ADGRL3: variants seen among roughly 807,000 people sequenced by gnomAD.
ADGRL3 encodes the protein calcium-independent alpha-latrotoxin receptor 3.
Under a neutral mutation model 153.5 loss-of-function variants are expected in ADGRL3, and 62 were observed. The ratio of observed to expected loss-of-function variants is 0.40; its 90% CI spans 0.33 to 0.50. ADGRL3 has a LOEUF of 0.50. Ranked by LOEUF, ADGRL3 falls within the 20% of genes least tolerant of loss-of-function variation. The pLI, the probability that ADGRL3 is intolerant of heterozygous loss-of-function variation, is 0.47. For synonymous variants in ADGRL3, 710 were observed against 672.5 expected (o/e 1.06, Z -0.86); for missense variants, 1,641 against 1,859.4 (o/e 0.88, Z 2.16).
chr4:61,455,681 TTAAA>T (rs1463137665), intron 2 of ADGRL3, among the ~76,000 whole-genome samples: 1 of 152,076 alleles, frequency 6.6e-6, no homozygotes, highest in African/African-American at 2.4e-5. Context: ...AAGTAGATAA[TTAAA>T]TAAATATTTA....
chr4:61,551,430 A>C (rs1325404730), intron 4 of ADGRL3, among the ~76,000 whole-genome samples: 1 of 152,112 alleles, frequency 6.6e-6, no homozygotes, highest in East Asian at 1.9e-4. Context: ...AAGTGTTTTG[A>C]TTATTTTTCT....
At chr4:61,495,664 T>C (rs2098307553) in intron 2 of ADGRL3, among the ~76,000 whole-genome samples, 1 of 152,180 alleles carries the variant, frequency 6.6e-6, no homozygotes, top group South Asian at 2.1e-4. Context: ...AGATAAATCT[T>C]GGGAAGACTT....
intron 19 of ADGRL3, among the ~76,000 whole-genome samples, chr4:61,984,596 A>C (rs1342564694): frequency 6.6e-6 from 1 of 152,158 alleles, no homozygotes; most frequent in Non-Finnish European, 1.5e-5. Context: ...AAAACAAAAA[A>C]CCACCATCAG....
rs866704773 is a variant in ADGRL3 at position 62,009,760 on chromosome 4, A to G, written c.3395+11495A>G. Among the ~76,000 whole-genome samples the G allele has an allele frequency of 3.3e-5, 5 of 152,260 alleles. No homozygotes were observed. The East Asian group carries it at 9.7e-4, about 29-fold the overall frequency. On this transcript the variant is annotated intron_variant, in intron 21 of 26. Coordinates refer to ENST00000683033, the MANE Select transcript of ADGRL3 (RefSeq NM_001387552.1). ...AACTCTCAGGATTAGTGCAGACCCT[A>G]CAGGTTAACAGCTCTGTCCCTCAAG...
chr4:61,931,063 A>G (rs1298061321), intron 13 of ADGRL3, among the ~76,000 whole-genome samples: 1 of 152,192 alleles, frequency 6.6e-6, no homozygotes, highest in Non-Finnish European at 1.5e-5. Flanking sequence ...CAAGCTTCAG[A>G]AAGTTTAAAT....
chr4:62,046,509 A>G (rs1340542436), intron 25 of ADGRL3, among the ~76,000 whole-genome samples: 1 of 151,938 alleles, frequency 6.6e-6, no homozygotes, highest in Non-Finnish European at 1.5e-5. Context: ...AGGAAATAAT[A>G]TTAGTTTATA....
intron 11 of ADGRL3, among the ~76,000 whole-genome samples, chr4:61,900,627 G>C (rs1441825702): frequency 6.6e-6 from 1 of 152,028 alleles, no homozygotes; most frequent in East Asian, 1.9e-4. Flanking sequence ...ATGAGATAGA[G>C]AAAAAAGAGA....
At chr4:61,432,646 CTTTCTT>C (rs1248957829) in intron 2 of ADGRL3, among the ~76,000 whole-genome samples, 4 of 10,620 alleles carry the variant, frequency 3.8e-4, no homozygotes, top group African/African-American at 1.1e-3. Flanking sequence ...TTCTTTCTTT[CTTTCTT>C]TCTTTTTTTT....
chr4:61,449,061 A>T (rs1015203125), intron 2 of ADGRL3, among the ~76,000 whole-genome samples: 1 of 152,118 alleles, frequency 6.6e-6, no homozygotes, highest in Admixed American at 6.5e-5. Context: ...ATTTGAAGAC[A>T]TTGGGGGACC....
At chr4:62,064,466 A>C (rs1460485090) in intron 25 of ADGRL3, among the ~76,000 whole-genome samples, 1 of 152,056 alleles carries the variant, frequency 6.6e-6, no homozygotes, top group Non-Finnish European at 1.5e-5. Context: ...ATATGTAAAG[A>C]AACCACAAGA....
intron 1 of ADGRL3, among the ~76,000 whole-genome samples, chr4:61,347,137 A>G (rs1385596970): frequency 6.6e-6 from 1 of 152,134 alleles, no homozygotes; most frequent in Non-Finnish European, 1.5e-5. Flanking sequence ...TCAGAACCTT[A>G]AGTATCTTCA....
At chr4:61,246,909 G>A (rs1757325357) in intron 1 of ADGRL3, among the ~76,000 whole-genome samples, 1 of 151,870 alleles carries the variant, frequency 6.6e-6, no homozygotes, top group Non-Finnish European at 1.5e-5. Context: ...TGATTGTGTG[G>A]CATTAAAATT....
intron 3 of ADGRL3, among the ~76,000 whole-genome samples, chr4:61,506,213 T>C (rs1269028330): frequency 6.6e-6 from 1 of 152,140 alleles, no homozygotes; most frequent in African/African-American, 2.4e-5. Flanking sequence ...AAATAATGTA[T>C]AAAAAGGCCC....
intron 6 of ADGRL3, among the ~76,000 whole-genome samples, chr4:61,723,574 G>A (rs1411225082): frequency 6.6e-6 from 1 of 152,042 alleles, no homozygotes. Context: ...TGTCATTCAC[G>A]TAGCCAGTGA....
intron 1 of ADGRL3, among the ~76,000 whole-genome samples, chr4:61,257,836 GGTGTGTGT>G (rs10635406): frequency 2.7e-5 from 4 of 150,632 alleles, no homozygotes; most frequent in African/African-American, 4.9e-5. Context: ...TTGAATTAGA[GGTGTGTGT>G]GTGTGTGTGT....
chr4:61,904,748 T>A (rs1002515036), intron 11 of ADGRL3, among the ~76,000 whole-genome samples: 5 of 152,174 alleles, frequency 3.3e-5, no homozygotes, highest in African/African-American at 1.2e-4. Context: ...CTCTATTTGA[T>A]GACTAATTTT....
chr4:61,920,676 A>G (rs905440015), intron 13 of ADGRL3, among the ~76,000 whole-genome samples: 1 of 152,176 alleles, frequency 6.6e-6, no homozygotes, highest in African/African-American at 2.4e-5. Flanking sequence ...TCTTTAGCAC[A>G]TGGGTTTCCA....
At chr4:61,513,967 C>T (rs1256784215) in intron 3 of ADGRL3, among the ~76,000 whole-genome samples, 1 of 152,132 alleles carries the variant, frequency 6.6e-6, no homozygotes, top group African/African-American at 2.4e-5. Context: ...GGGTTGCCTT[C>T]AACTTATGGT....
At chr4:61,477,933 G>A (rs550729561) in intron 2 of ADGRL3, among the ~76,000 whole-genome samples, 1 of 151,948 alleles carries the variant, frequency 6.6e-6, no homozygotes, top group Non-Finnish European at 1.5e-5. Context: ...AAAAAGGCTT[G>A]AAATAGTTTA....
Sources: gnomAD v4.1 joint callset for allele counts (sites outside exome capture counted in the v4.1 genomes callset) on GRCh38, gnomAD v4.1.1 for gene constraint, MANE v1.5 for transcripts, NCBI Gene and HGNC (gene_info 2026-07-23, HGNC 2026-07-21) for gene names.